The following RARB variants were observed in gnomAD, a reference collection of about 807,000 sequenced individuals.
RARB encodes retinoic acid receptor beta, also known as HBV-activated protein.
RARB carries 17 observed loss-of-function variants against 51.9 expected under a neutral mutation model. The ratio of observed to expected loss-of-function variants is 0.33; its 90% CI spans 0.22 to 0.49. The LOEUF is 0.49. Ranked by LOEUF, RARB falls within the 20% of genes least tolerant of loss-of-function variation. The pLI, the probability that RARB is intolerant of heterozygous loss-of-function variation, is 0.99. For synonymous variants in RARB, 215 were observed against 195.4 expected (o/e 1.10, Z -0.84); for missense variants, 369 against 550.8 (o/e 0.67, Z 3.30).
intron 2 of RARB, among the ~76,000 whole-genome samples, chr3:25,008,020 G>A (rs535695782): frequency 6.6e-6 from 1 of 152,206 alleles, no homozygotes; most frequent in African/African-American, 2.4e-5. Flanking sequence ...TAAGGTCTTA[G>A]CACAGCTTTT....
chr3:25,331,783 C>G (rs551046198), intron 5 of RARB, among the ~76,000 whole-genome samples: 2 of 151,874 alleles, frequency 1.3e-5, no homozygotes, highest in African/African-American at 4.8e-5. Flanking sequence ...ACTAGCAGGA[C>G]TAATAAAGAA....
chr3:25,037,316 G>A (rs577121320), intron 2 of RARB, among the ~76,000 whole-genome samples: 10 of 150,594 alleles, frequency 6.6e-5, no homozygotes, highest in Admixed American at 2.7e-4. Context: ...AGTTTTAGTC[G>A]CTGTTCTTCT....
intron 5 of RARB, among the ~76,000 whole-genome samples, chr3:25,298,019 A>G (rs1356487979): frequency 6.6e-6 from 1 of 152,178 alleles, no homozygotes; most frequent in Non-Finnish European, 1.5e-5. Flanking sequence ...TTCCACAGAA[A>G]GGGACTTTCT....
intron 2 of RARB, among the ~76,000 whole-genome samples, chr3:25,028,344 C>T (rs576717789): frequency 6.6e-6 from 1 of 152,232 alleles, no homozygotes; most frequent in Admixed American, 6.5e-5. Context: ...CAGGCTTTCT[C>T]TCATTCTTGC....
intron 4 of RARB, among the ~76,000 whole-genome samples, chr3:25,141,511 C>T (rs1257703427): frequency 6.6e-6 from 1 of 152,098 alleles, no homozygotes; most frequent in Admixed American, 6.6e-5. Context: ...GGAAATCTTG[C>T]CTCCCATTGC....
At chr3:24,952,875 A>ATT (rs150342797) in intron 2 of RARB, among the ~76,000 whole-genome samples, 18,945 of 149,402 alleles carry the variant, frequency 0.13, 1,368 homozygotes, top group Non-Finnish European at 0.16. Context: ...TAAAACTGGT[A>ATT]TTTTTTTTGT....
At chr3:25,111,536 A>G (rs918525762) in intron 3 of RARB, among the ~76,000 whole-genome samples, 18 of 149,468 alleles carry the variant, frequency 1.2e-4, no homozygotes, top group Non-Finnish European at 1.6e-4. Flanking sequence ...TATAATATAT[A>G]TTGCAATTTA....
intron 3 of RARB, among the ~76,000 whole-genome samples, chr3:25,523,263 G>A (rs904704262): frequency 6.6e-6 from 1 of 152,166 alleles, no homozygotes; most frequent in Non-Finnish European, 1.5e-5. Context: ...TCTAATGGGG[G>A]TAAGAATCAC....
intron 2 of RARB, among the ~76,000 whole-genome samples, chr3:25,483,377 A>G (rs73147475): frequency 6.6e-6 from 1 of 152,328 alleles, no homozygotes; most frequent in African/African-American, 2.4e-5. Flanking sequence ...AATCACACAT[A>G]CTGTGGTAGA....
intron 5 of RARB, among the ~76,000 whole-genome samples, chr3:25,588,771 C>T (rs949009584): frequency 6.6e-6 from 1 of 152,160 alleles, no homozygotes; most frequent in Admixed American, 6.5e-5. Flanking sequence ...TGGGAGGACT[C>T]AGTTTCTTCC....
chr3:25,366,659 G>A (rs1706128427), intron 5 of RARB, among the ~76,000 whole-genome samples: 1 of 152,172 alleles, frequency 6.6e-6, no homozygotes, highest in African/African-American at 2.4e-5. Flanking sequence ...TTTTCAAAAA[G>A]CCTACATTTG....
At chr3:25,145,782 G>C (rs1575181078) in intron 4 of RARB, among the ~76,000 whole-genome samples, 1 of 152,080 alleles carries the variant, frequency 6.6e-6, no homozygotes, top group African/African-American at 2.4e-5. Context: ...GCTCACCTGA[G>C]GTCAGGAGTT....
intron 3 of RARB, among the ~76,000 whole-genome samples, chr3:25,124,111 A>C (rs961386753): frequency 6.6e-6 from 1 of 152,190 alleles, no homozygotes; most frequent in South Asian, 2.1e-4. Flanking sequence ...GCGGTGGCTC[A>C]CGCCTGTAAT....
At chr3:25,089,213 C>A (rs530772970) in intron 3 of RARB, among the ~76,000 whole-genome samples, 80 of 151,486 alleles carry the variant, frequency 5.3e-4, no homozygotes, top group African/African-American at 1.9e-3. Flanking sequence ...GGTTTTCCTC[C>A]ATAAAAATTA....
intron 5 of RARB, among the ~76,000 whole-genome samples, chr3:25,202,977 T>G (rs1480900785): frequency 1.3e-5 from 2 of 152,200 alleles, no homozygotes; most frequent in African/African-American, 4.8e-5. Context: ...TGAGTTCAGT[T>G]CCTGGATATC....
At chr3:24,904,779 T>C (rs1694818184) in intron 2 of RARB, among the ~76,000 whole-genome samples, 1 of 152,190 alleles carries the variant, frequency 6.6e-6, no homozygotes. Flanking sequence ...CCATCAATGA[T>C]AGGCTGGATA....
chr3:25,105,118 A>G (rs1261840152), intron 3 of RARB, among the ~76,000 whole-genome samples: 3 of 152,194 alleles, frequency 2.0e-5, no homozygotes, highest in African/African-American at 7.2e-5. Context: ...TTGTTACGCT[A>G]AAGGTAAAAT....
chr3:24,893,151 G>A (rs573132693), intron 2 of RARB, among the ~76,000 whole-genome samples: 1 of 152,308 alleles, frequency 6.6e-6, no homozygotes, highest in South Asian at 2.1e-4. Context: ...ACAATTTTAC[G>A]ATGGTTTCCC....
At chr3:25,117,052 A>C (rs1188666883) in intron 3 of RARB, among the ~76,000 whole-genome samples, 1 of 152,152 alleles carries the variant, frequency 6.6e-6, no homozygotes, top group East Asian at 1.9e-4. Context: ...CTGATGCTTT[A>C]ATAATAATTT....
Sources: gnomAD v4.1 joint callset for allele counts (sites outside exome capture counted in the v4.1 genomes callset) on GRCh38, gnomAD v4.1.1 for gene constraint, MANE v1.5 for transcripts, NCBI Gene and HGNC (gene_info 2026-07-23, HGNC 2026-07-21) for gene names.